Variants in HEATR4 observed in about 807,000 individuals in gnomAD.
The protein encoded by HEATR4 is HEAT repeat-containing protein 4.
In HEATR4, 95 loss-of-function variants were observed where a neutral mutation model predicts 108.8. That is an observed-to-expected ratio of 0.87 (90% CI 0.74 to 1.04). The LOEUF is 1.04. HEATR4 is among the 50% of genes least tolerant of loss of function. The pLI is 0.00. For synonymous variants in HEATR4, 443 were observed against 459.4 expected (o/e 0.96, Z 0.46); for missense variants, 1,152 against 1,253.8 (o/e 0.92, Z 1.23).
intron 15 of HEATR4, 127 bp downstream of exon 15, chr14:73,496,473 TG>T: frequency 1.6e-6 from 1 of 625,808 alleles, no homozygotes; most frequent in South Asian, 2.0e-5. Context: ...GTGGCATCTG[TG>T]TCTGGGGTTT....
At chr14:73,565,625 G>C in the HEATR4 span, among the ~76,000 whole-genome samples, 1 of 151,874 alleles carries the variant, frequency 6.6e-6, no homozygotes, top group African/African-American at 2.4e-5. Context: ...TGGGTTCATG[G>C]TCTCGCTGGC....
At chr14:73,633,748 C>T in the HEATR4 span, 7 of 152,258 alleles carry the variant, frequency 4.6e-5, no homozygotes, top group East Asian at 3.9e-4. Context: ...CACACGGGAC[C>T]TCTAGGAGCT....
upstream of HEATR4, among the ~76,000 whole-genome samples, chr14:73,561,090 G>A (rs942197533): frequency 6.6e-6 from 1 of 152,132 alleles, no homozygotes; most frequent in African/African-American, 2.4e-5. Flanking sequence ...AATGGGCTGG[G>A]CGTGGTGGCT....
the HEATR4 span, among the ~76,000 whole-genome samples, chr14:73,629,922 C>T: frequency 6.6e-6 from 1 of 151,870 alleles, no homozygotes; most frequent in Admixed American, 6.6e-5. Context: ...GCTGGGATTA[C>T]AGACGTGAAC....
intron 1 of HEATR4, among the ~76,000 whole-genome samples, chr14:73,556,563 CAA>C (rs1011336881): frequency 8.7e-6 from 1 of 114,472 alleles, no homozygotes; most frequent in Admixed American, 9.9e-5. Flanking sequence ...AAGGTCTGAT[CAA>C]AAGAGGCTTG....
At chr14:73,626,781 C>A in the HEATR4 span, among the ~76,000 whole-genome samples, 50 of 133,170 alleles carry the variant, frequency 3.8e-4, 1 homozygote, top group South Asian at 4.7e-4. Context: ...AAACAACAGA[C>A]AAACAGCCTT....
chr14:73,592,525 A>G, the HEATR4 span: 4 of 1,290,804 alleles, frequency 3.1e-6, no homozygotes, highest in African/African-American at 6.1e-5. Flanking sequence ...CAGAGAAGCT[A>G]ACATTGACTA....
At chr14:73,521,324 C>CT (rs577410563) in intron 3 of HEATR4, among the ~76,000 whole-genome samples, 139 of 152,184 alleles carry the variant, frequency 9.1e-4, no homozygotes, top group African/African-American at 3.2e-3. Flanking sequence ...CAGCATAACC[C>CT]TTTTTTAACA....
the HEATR4 span, among the ~76,000 whole-genome samples, chr14:73,600,913 C>T: frequency 3.3e-5 from 5 of 151,926 alleles, no homozygotes; most frequent in South Asian, 2.1e-4. Flanking sequence ...CCAAGGCGGG[C>T]GGATCACCTG....
intron 17 of HEATR4, among the ~76,000 whole-genome samples, chr14:73,481,351 A>G: frequency 6.6e-6 from 1 of 152,080 alleles, no homozygotes. Flanking sequence ...AGGCACGAGA[A>G]TCACTTGAAC....
At chr14:73,601,324 G>C in the HEATR4 span, among the ~76,000 whole-genome samples, 1 of 152,036 alleles carries the variant, frequency 6.6e-6, no homozygotes, top group African/African-American at 2.4e-5. Flanking sequence ...AGCACTTTGG[G>C]AGGCTGAGGC....
At chr14:73,612,561 C>G in the HEATR4 span, 3 of 1,371,256 alleles carry the variant, frequency 2.2e-6, no homozygotes, top group Non-Finnish European at 2.9e-6. Context: ...CCCTGTTCTA[C>G]CCAGATTGGG....
chr14:73,555,684 C>T (rs1196512090), intron 1 of HEATR4, among the ~76,000 whole-genome samples: 4 of 115,704 alleles, frequency 3.5e-5, no homozygotes, highest in Non-Finnish European at 7.6e-5. Context: ...GATGAGGACT[C>T]ATTTCATCCC....
the HEATR4 span, among the ~76,000 whole-genome samples, chr14:73,611,912 T>A: frequency 6.6e-6 from 1 of 152,104 alleles, no homozygotes; most frequent in Non-Finnish European, 1.5e-5. Flanking sequence ...GTCACCTGAG[T>A]ACAATCACCT....
At chr14:73,614,877 A>C in the HEATR4 span, among the ~76,000 whole-genome samples, 844 of 151,746 alleles carry the variant, frequency 5.6e-3, 4 homozygotes, top group Non-Finnish European at 9.0e-3. Context: ...CAGGTGGATC[A>C]CCTGAGGTCA....
At chr14:73,479,718 C>T (rs1328596145) in intron 17 of HEATR4, among the ~76,000 whole-genome samples, 1 of 151,952 alleles carries the variant, frequency 6.6e-6, no homozygotes, top group African/African-American at 2.4e-5. Flanking sequence ...GCATGAGCCT[C>T]CGCTCCCGGC....
the HEATR4 span, among the ~76,000 whole-genome samples, chr14:73,597,883 C>T: frequency 9.4e-3 from 1,426 of 151,560 alleles, 25 homozygotes; most frequent in African/African-American, 0.033. Context: ...TTAGCCACCG[C>T]GCCTGGCCTT....
chr14:73,584,575 G>T, the HEATR4 span, among the ~76,000 whole-genome samples: 1 of 147,904 alleles, frequency 6.8e-6, no homozygotes, highest in Non-Finnish European at 1.5e-5. Context: ...AGTGTAATTG[G>T]TCTGTAACAG....
chr14:73,486,361 A>G (rs1479595673), intron 17 of HEATR4, among the ~76,000 whole-genome samples: 2 of 152,092 alleles, frequency 1.3e-5, no homozygotes, highest in Admixed American at 1.3e-4. Flanking sequence ...CTTTCTCACC[A>G]TCTCCCTTTC....
Sources: allele counts gnomAD v4.1 joint callset (sites outside exome capture counted in the v4.1 genomes callset), GRCh38; gene constraint gnomAD v4.1.1; transcripts MANE v1.5; gene names NCBI Gene and HGNC (gene_info 2026-07-23, HGNC 2026-07-21).